AREL1: variants seen among roughly 807,000 people sequenced by gnomAD.
The protein encoded by AREL1 is apoptosis-resistant E3 ubiquitin protein ligase 1.
Under a neutral mutation model 99.0 loss-of-function variants are expected in AREL1, and 62 were observed. The ratio of observed to expected loss-of-function variants is 0.63; its 90% CI spans 0.51 to 0.77. AREL1 has a LOEUF of 0.77. AREL1 is among the 30% of genes least tolerant of loss of function. The probability of loss-of-function intolerance (pLI) is 0.00; values close to 1 mark genes in which losing one functional copy is unlikely to be tolerated. For synonymous variants in AREL1, 380 were observed against 376.5 expected, an observed-to-expected ratio of 1.01 and a Z score of -0.11; for missense variants, 879 against 1,027.6, an observed-to-expected ratio of 0.86 and a Z score of 1.98.
intron 2 of AREL1, among the ~76,000 whole-genome samples, chr14:74,691,324 T>TAAAAAAA (rs11407786): frequency 1.4e-5 from 1 of 72,792 alleles, no homozygotes; most frequent in Non-Finnish European, 2.4e-5. Context: ...TGTCTCCATT[T>TAAAAAAA]AAAAAAAAAA....
intron 1 of AREL1, among the ~76,000 whole-genome samples, chr14:74,708,685 C>T: frequency 6.6e-6 from 1 of 152,202 alleles, no homozygotes; most frequent in Non-Finnish European, 1.5e-5. Flanking sequence ...GGCATCTCAA[C>T]AGTAACAAGC....
chr14:74,678,071 A>G (rs1303726499), intron 5 of AREL1: 1 of 387,512 alleles, frequency 2.6e-6, no homozygotes, highest in Non-Finnish European at 5.0e-6. Flanking sequence ...TTCCAGCAAG[A>G]TTATTTATAG....
intron 3 of AREL1, among the ~76,000 whole-genome samples, chr14:74,685,304 A>G (rs1049272661): frequency 1.3e-5 from 2 of 152,176 alleles, no homozygotes; most frequent in African/African-American, 2.4e-5. Context: ...TTCATCTGGT[A>G]TAACTTTTCT....
intron 14 of AREL1, 35 bp from the exon 15 acceptor site, chr14:74,669,809 ATACTC>A: frequency 6.2e-7 from 1 of 1,612,462 alleles, no homozygotes; most frequent in Non-Finnish European, 8.5e-7. Context: ...CAGAACATGA[ATACTC>A]TTGCCCTGAA....
At chr14:74,667,409 C>T (rs569521078) in intron 16 of AREL1, 32 bp from the exon 17 acceptor site, 3 of 1,614,116 alleles carry the variant, frequency 1.9e-6, no homozygotes, top group Admixed American at 3.3e-5. Context: ...AAAGTCATAC[C>T]CACACCATGG....
chr14:74,707,166 G>A (rs532391771), intron 1 of AREL1, among the ~76,000 whole-genome samples: 1 of 151,958 alleles, frequency 6.6e-6, no homozygotes, highest in African/African-American at 2.4e-5. Context: ...TCAGAATTTC[G>A]AGACCAGCCT....
At chr14:74,705,769 T>C (rs1266134187) in intron 1 of AREL1, among the ~76,000 whole-genome samples, 1 of 152,190 alleles carries the variant, frequency 6.6e-6, no homozygotes, top group Non-Finnish European at 1.5e-5. Flanking sequence ...TATTGCACCA[T>C]TCTCTCTAAA....
At chr14:74,669,855 T>A (rs1261790375) in intron 14 of AREL1, 81 bp from the exon 15 acceptor site, 3 of 1,585,778 alleles carry the variant, frequency 1.9e-6, no homozygotes, top group Non-Finnish European at 2.6e-6. Context: ...ACTTATCCCT[T>A]CAACCTTAAA....
intron 1 of AREL1, among the ~76,000 whole-genome samples, chr14:74,699,348 G>GGTGTGTGTGTGTGTGTGT (rs770359342): frequency 2.8e-5 from 4 of 143,456 alleles, no homozygotes; most frequent in Admixed American, 6.9e-5. Context: ...GACAGTGAGG[G>GGTGTGTGTGTGTGTGTGT]GTGTGTGTGT....
At chr14:74,705,378 A>AT (rs1448615203) in intron 1 of AREL1, among the ~76,000 whole-genome samples, 1 of 152,142 alleles carries the variant, frequency 6.6e-6, no homozygotes, top group African/African-American at 2.4e-5. Flanking sequence ...AGATTTTAAT[A>AT]TTTTAACAGA....
intron 11 of AREL1, among the ~76,000 whole-genome samples, chr14:74,672,213 A>ATGT (rs2089364362): frequency 6.6e-6 from 1 of 152,228 alleles, no homozygotes; most frequent in Non-Finnish European, 1.5e-5. Flanking sequence ...TGGGAGTTCC[A>ATGT]AGGGACCCAT....
chr14:74,686,444 T>C (rs527555729), intron 2 of AREL1, among the ~76,000 whole-genome samples: 9 of 152,360 alleles, frequency 5.9e-5, no homozygotes, highest in Admixed American at 1.3e-4. Context: ...AAAAATGCAA[T>C]GTATGCTAAC....
intron 1 of AREL1, 143 bp from the exon 2 acceptor site, chr14:74,692,471 C>G (rs1226800439): frequency 6.0e-6 from 2 of 331,968 alleles, no homozygotes; most frequent in Non-Finnish European, 1.2e-5. Flanking sequence ...AAACTCTGAC[C>G]AAGCATTCTC....
chr14:74,681,535 G>T (rs571818671), intron 5 of AREL1, among the ~76,000 whole-genome samples: 1 of 152,274 alleles, frequency 6.6e-6, no homozygotes, highest in Admixed American at 6.5e-5. Context: ...AGCACTTTGG[G>T]AGGCTGAGGC....
At chr14:74,673,453 A>G (rs1026368846) in intron 9 of AREL1, among the ~76,000 whole-genome samples, 3 of 152,224 alleles carry the variant, frequency 2.0e-5, no homozygotes, top group Admixed American at 2.0e-4. Flanking sequence ...AAAACTACAG[A>G]CCTTCTAACA....
intron 15 of AREL1, 22 bp downstream of exon 15, chr14:74,669,627 G>A (rs2080669): frequency 5.6e-6 from 9 of 1,611,946 alleles, no homozygotes; most frequent in South Asian, 1.1e-5. Context: ...ATAGGACCCA[G>A]AGGCTTTGTC....
chr14:74,663,623 G>T lies in AREL1; in HGVS notation c.*97C>A. 1.6e-6 allele frequency: 2 copies of T among 1,252,348 alleles called. No individual in the cohort carries two copies. The highest frequency in any genetic ancestry group is 2.3e-6 in the Non-Finnish European group (2 of 854,852). 77.6% of individuals were successfully genotyped at this position (1,252,348 alleles called of 1,614,324 possible). On this transcript the variant is annotated 3_prime_UTR_variant, in exon 20 of 20. Coordinates refer to ENST00000356357, the MANE Select transcript of AREL1 (RefSeq NM_001039479.2). ...GGGGAGCATGCGGCATCTTCTGGCT[G>T]ATGGTTATGTGTGTTAGGATCAGTG...
At chr14:74,673,937 C>G (rs2089414641) in intron 9 of AREL1, 97 bp downstream of exon 9, 1 of 1,039,744 alleles carries the variant, frequency 9.6e-7, no homozygotes, top group African/African-American at 1.6e-5. Flanking sequence ...TGAGATCTTG[C>G]AGAAACACTA....
intron 1 of AREL1, among the ~76,000 whole-genome samples, chr14:74,698,598 G>A (rs962520732): frequency 1.3e-5 from 2 of 152,278 alleles, no homozygotes; most frequent in East Asian, 1.9e-4. Flanking sequence ...AACTTGGTCC[G>A]CCATGGGAGA....
Sources: gnomAD v4.1 joint callset for allele counts (sites outside exome capture counted in the v4.1 genomes callset) on GRCh38, gnomAD v4.1.1 for gene constraint, MANE v1.5 for transcripts, NCBI Gene and HGNC (gene_info 2026-07-23, HGNC 2026-07-21) for gene names.